The following NTRK2 variants were observed in gnomAD, a reference collection of about 807,000 sequenced individuals.
NTRK2 encodes BDNF/NT-3 growth factors receptor.
In NTRK2, 13 loss-of-function variants were observed where a neutral mutation model predicts 94.5. The observed-to-expected ratio is 0.14, with a 90% CI of 0.09 to 0.22. The LOEUF (loss-of-function observed/expected upper bound fraction) is 0.22. Ranked by LOEUF, NTRK2 falls within the 10% of genes least tolerant of loss-of-function variation. The pLI is 1.00. For missense variants in NTRK2, 639 were observed against 1,071.2 expected (o/e 0.60, Z 5.63); for synonymous variants, 372 against 407.4 (o/e 0.91, Z 1.05).
At chr9:84,828,940 ATTGT>A (rs1346498296) in intron 12 of NTRK2, among the ~76,000 whole-genome samples, 5 of 150,648 alleles carry the variant, frequency 3.3e-5, no homozygotes, top group Non-Finnish European at 7.4e-5. Flanking sequence ...CTTGTACAGG[ATTGT>A]TTGTTTTGTT....
chr9:84,765,918 T>G (rs967268054), intron 12 of NTRK2, among the ~76,000 whole-genome samples: 1 of 152,086 alleles, frequency 6.6e-6, no homozygotes, highest in African/African-American at 2.4e-5. Context: ...TAGAAAAAAT[T>G]AAAAAATATG....
At chr9:85,008,652 T>C (rs1284665497) in intron 17 of NTRK2, among the ~76,000 whole-genome samples, 11 of 152,188 alleles carry the variant, frequency 7.2e-5, no homozygotes, top group Non-Finnish European at 2.9e-5. Flanking sequence ...AGGGAGGTGA[T>C]GTCTTGCCCA....
Position 85,021,887 on chromosome 9 carries a change from A to G in NTRK2, c.*450A>G. Reference sequence around the variant, plus strand: ...TGTTGTATTCCTGCCTTTGATGTGGATGAAAAAAAGGGAAAACAAATATTT... The same window carrying G: ...TGTTGTATTCCTGCCTTTGATGTGGGTGAAAAAAAGGGAAAACAAATATTT... On this transcript the variant is annotated 3_prime_UTR_variant, in exon 19 of 19. Coordinates refer to ENST00000277120, the MANE Select transcript of NTRK2 (RefSeq NM_006180.6). 1 of 267,146 alleles carries G rather than the reference A, an allele frequency of 3.7e-6. No individual in the cohort carries two copies. The highest frequency in any genetic ancestry group is 7.2e-6 in the Non-Finnish European group (1 of 138,622). The allele number at this position is 267,146 out of a possible 1,614,324, so 16.5% of individuals were successfully genotyped here.
intron 12 of NTRK2, among the ~76,000 whole-genome samples, chr9:84,752,783 A>G (rs1175774772): frequency 6.6e-6 from 1 of 152,176 alleles, no homozygotes; most frequent in Non-Finnish European, 1.5e-5. Context: ...AATGATTTAA[A>G]ACCATTTGCT....
At chr9:84,750,096 C>T (rs1200818014) in intron 11 of NTRK2, among the ~76,000 whole-genome samples, 1 of 152,136 alleles carries the variant, frequency 6.6e-6, no homozygotes, top group Admixed American at 6.5e-5. Flanking sequence ...GGTTCCTCAA[C>T]CTTGGCACTA....
At chr9:84,880,681 GAC>G (rs2076228754) in intron 14 of NTRK2, among the ~76,000 whole-genome samples, 1 of 152,210 alleles carries the variant, frequency 6.6e-6, no homozygotes, top group Admixed American at 6.5e-5. Context: ...CTTTGTGACA[GAC>G]ACACATGTTG....
intron 2 of NTRK2, among the ~76,000 whole-genome samples, chr9:84,673,251 A>G (rs2058813381): frequency 6.6e-6 from 1 of 152,360 alleles, no homozygotes; most frequent in East Asian, 1.9e-4. Context: ...CCTAAAAATG[A>G]CATCAGTGGA....
chr9:84,985,353 T>C (rs961767211), intron 17 of NTRK2, among the ~76,000 whole-genome samples: 3 of 152,228 alleles, frequency 2.0e-5, no homozygotes, highest in Admixed American at 6.5e-5. Context: ...CAAACTCCTC[T>C]GGGCACGTTA....
intron 14 of NTRK2, among the ~76,000 whole-genome samples, chr9:84,890,704 G>A (rs553529932): frequency 2.6e-5 from 4 of 152,160 alleles, no homozygotes; most frequent in Non-Finnish European, 4.4e-5. Context: ...ATCCCCTTGG[G>A]ATGAATGCCA....
At chr9:84,749,376 T>G (rs2064382446) in intron 11 of NTRK2, among the ~76,000 whole-genome samples, 1 of 152,226 alleles carries the variant, frequency 6.6e-6, no homozygotes, top group African/African-American at 2.4e-5. Flanking sequence ...GCTCTGTGAT[T>G]TATTTAATGC....
chr9:84,840,537 A>G (rs2074121398), intron 12 of NTRK2, among the ~76,000 whole-genome samples: 1 of 151,972 alleles, frequency 6.6e-6, no homozygotes, highest in Admixed American at 6.5e-5. Context: ...GCCTGTTGAA[A>G]GACATCACCC....
intron 14 of NTRK2, among the ~76,000 whole-genome samples, chr9:84,933,292 C>A (rs2078102772): frequency 6.6e-6 from 1 of 152,204 alleles, no homozygotes; most frequent in Non-Finnish European, 1.5e-5. Context: ...TCTGCAGGGT[C>A]TCCTTGTGGG....
At chr9:84,806,364 G>A (rs1021394904) in intron 12 of NTRK2, among the ~76,000 whole-genome samples, 6 of 152,194 alleles carry the variant, frequency 3.9e-5, no homozygotes, top group African/African-American at 1.4e-4. Flanking sequence ...TCATTTGGTG[G>A]GAGGAGATCC....
At position 84,670,944 on chromosome 9, in the gene NTRK2, G is replaced by A. The variant is rs944995042; in HGVS notation, c.196G>A (p.Glu66Lys). 8.7e-6 allele frequency: 14 copies of A among 1,604,918 alleles called. No homozygotes were observed. Among genetic ancestry groups the A allele is most frequent in the Non-Finnish European group, 1.2e-5 (14 of 1,179,934 alleles). Residue 66 changes from glutamate (E) to lysine (K), a missense_variant, in exon 2 of 19, where the codon GAG becomes AAG. This residue lies in a region of NTRK2 where 206 missense variants were observed against 251.5 expected (regional missense o/e 0.82). Transcript: ENST00000277120. Reference sequence around the variant, plus strand: ...ATTGGAGCCTAACAGTGTAGATCCTGAGAACATCACCGAAATGTGAGTTCC... The same window carrying A: ...ATTGGAGCCTAACAGTGTAGATCCTAAGAACATCACCGAAATGTGAGTTCC... Reference protein sequence around the residue: ...PRLEPNSVDPENITEIFIANQ... With the variant: ...PRLEPNSVDPKNITEIFIANQ...
chr9:84,912,192 A>T (rs2132495653), intron 14 of NTRK2, among the ~76,000 whole-genome samples: 1 of 152,312 alleles, frequency 6.6e-6, no homozygotes, highest in African/African-American at 2.4e-5. Flanking sequence ...TATGTTCAGT[A>T]ATAAGTCTGA....
chr9:84,851,964 G>A (rs1185220407), intron 12 of NTRK2, among the ~76,000 whole-genome samples: 3 of 152,162 alleles, frequency 2.0e-5, no homozygotes, highest in East Asian at 1.9e-4. Context: ...TTGCAAAGGC[G>A]TTTCTAAACA....
At chr9:84,921,597 T>C (rs1044197168) in intron 14 of NTRK2, among the ~76,000 whole-genome samples, 3 of 152,216 alleles carry the variant, frequency 2.0e-5, no homozygotes, top group Non-Finnish European at 4.4e-5. Flanking sequence ...AGCCTTTGTC[T>C]TTCCTGCCTG....
intron 12 of NTRK2, among the ~76,000 whole-genome samples, chr9:84,809,119 A>C (rs1003721815): frequency 2.6e-5 from 4 of 152,218 alleles, no homozygotes; most frequent in Non-Finnish European, 5.9e-5. Flanking sequence ...GTGAAAGCTC[A>C]CTGTCTTCTT....
chr9:84,899,138 C>T (rs1030788661), intron 14 of NTRK2, among the ~76,000 whole-genome samples: 6 of 152,176 alleles, frequency 3.9e-5, no homozygotes, highest in Admixed American at 1.3e-4. Context: ...TAACATACAG[C>T]TCCTCTTAGA....
Sources: allele counts gnomAD v4.1 joint callset (sites outside exome capture counted in the v4.1 genomes callset), GRCh38; gene constraint gnomAD v4.1.1; regional missense constraint gnomAD v4.1.1; transcripts MANE v1.5; gene names NCBI Gene and HGNC (gene_info 2026-07-23, HGNC 2026-07-21).